Variants in PCDHGA3 observed in about 807,000 individuals in gnomAD.
PCDHGA3 encodes the protein protocadherin gamma-A3.
PCDHGA3 carries 40 observed loss-of-function variants against 58.5 expected under a neutral mutation model. The observed-to-expected ratio is 0.68, with a 90% CI of 0.53 to 0.89. The LOEUF (loss-of-function observed/expected upper bound fraction) is 0.89, where lower values mean the gene tolerates loss of function less well. Among genes scored for constraint, PCDHGA3 ranks in the 40% least tolerant of loss-of-function variants. The pLI, the probability that PCDHGA3 is intolerant of heterozygous loss-of-function variation, is 0.00. For synonymous variants in PCDHGA3, 530 were observed against 525.7 expected, an observed-to-expected ratio of 1.01 and a Z score of -0.11; for missense variants, 1,223 against 1,195.9, an observed-to-expected ratio of 1.02 and a Z score of -0.33.
chr5:141,375,647 T>C (rs1265306389), intron 1 of PCDHGA3: 2 of 1,614,038 alleles, frequency 1.2e-6, no homozygotes. Flanking sequence ...CTCCTTCGAC[T>C]ATGAGCAGTT....
chr5:141,441,362 G>A (rs1489202253), intron 1 of PCDHGA3: 1 of 152,484 alleles, frequency 6.6e-6, no homozygotes, highest in Non-Finnish European at 1.5e-5. Context: ...AACAAATGGG[G>A]CCGTGGACCA....
intron 1 of PCDHGA3, among the ~76,000 whole-genome samples, chr5:141,358,688 C>G (rs944997281): frequency 6.6e-6 from 1 of 152,144 alleles, no homozygotes. Context: ...CTTATCATGA[C>G]ATCACTATTG....
chr5:141,418,270 A>T, intron 1 of PCDHGA3: 1 of 1,614,052 alleles, frequency 6.2e-7, no homozygotes. Context: ...GGAAAGATGA[A>T]ATAAACTTAG....
At chr5:141,372,259 G>T (rs1229622208) in intron 1 of PCDHGA3, 2 of 1,613,108 alleles carry the variant, frequency 1.2e-6, no homozygotes, top group East Asian at 2.2e-5. Flanking sequence ...CTGGGCCTGC[G>T]CACGGGTGAG....
intron 1 of PCDHGA3, chr5:141,419,095 G>A (rs1478382101): frequency 1.2e-6 from 2 of 1,613,816 alleles, no homozygotes; most frequent in African/African-American, 2.7e-5. Context: ...CCCTGGATCG[G>A]GAGCAGACCC....
chr5:141,477,571 C>T lies in PCDHGA3; in HGVS notation c.2425-17236C>T, dbSNP rs1470454976. The T allele has an allele frequency of 8.1e-6, 13 of 1,614,160 alleles. No individual in the cohort carries two copies. Among genetic ancestry groups the T allele is most frequent in the Middle Eastern group, 1.7e-4 (1 of 6,060 alleles). ...TAAACCTAAGTGTCTGGGACCCCGACGCCCCGCAGAATGCTCGGCTTTCTT... is the reference window on the plus strand; with the variant it reads ...TAAACCTAAGTGTCTGGGACCCCGATGCCCCGCAGAATGCTCGGCTTTCTT... On this transcript the variant is annotated intron_variant, in intron 1 of 3. Transcript: ENST00000253812. This position sits in a 1 kb window ranked among gnomAD's most constrained non-coding sequence, Gnocchi z 4.9.
rs1041367498 is a variant in PCDHGA3 at position 141,489,060 on chromosome 5, T to G, written c.2425-5747T>G. ...CAGCTCCACTCAAATTCAGCTCCCCTCCCCCCTGCCCACCCCCGCCACTCG... is the reference window on the plus strand; with the variant it reads ...CAGCTCCACTCAAATTCAGCTCCCCGCCCCCCTGCCCACCCCCGCCACTCG... On this transcript the variant is annotated intron_variant, in intron 1 of 3. Transcript: ENST00000253812. This position sits in a 1 kb window ranked among gnomAD's most constrained non-coding sequence, Gnocchi z 4.5. The G allele has an allele frequency of 1.7e-5, 5 of 300,224 alleles. No individual in the cohort carries two copies. The highest frequency in any genetic ancestry group is 2.4e-5 in the African/African-American group (1 of 42,484). The allele number at this position is 300,224 out of a possible 1,614,324, so 18.6% of individuals were successfully genotyped here.
chr5:141,389,355 G>A, intron 1 of PCDHGA3: 3 of 1,613,950 alleles, frequency 1.9e-6, no homozygotes, highest in Non-Finnish European at 1.7e-6. Flanking sequence ...CTGCATCATG[G>A]CCAGTGACCT....
At chr5:141,404,287 C>A in intron 1 of PCDHGA3, 1 of 1,613,976 alleles carries the variant, frequency 6.2e-7, no homozygotes, top group Non-Finnish European at 8.5e-7. Flanking sequence ...TGACTGACAT[C>A]AATGATAATC....
chr5:141,419,216 G>C, intron 1 of PCDHGA3: 3 of 1,613,886 alleles, frequency 1.9e-6, no homozygotes, highest in Admixed American at 1.7e-5. Flanking sequence ...GCCGGTTTTC[G>C]GACAGTCAGC....
At position 141,490,171 on chromosome 5, in the gene PCDHGA3, G is replaced by A. The variant is rs374421995; in HGVS notation, c.2425-4636G>A. 4 of 1,614,100 alleles carry A rather than the reference G, an allele frequency of 2.5e-6. No individual in the cohort carries two copies. The highest frequency in any genetic ancestry group is 3.4e-6 in the Non-Finnish European group (4 of 1,180,034). On this transcript the variant is annotated intron_variant, in intron 1 of 3. Coordinates refer to ENST00000253812, the MANE Select transcript of PCDHGA3 (RefSeq NM_018916.4). The surrounding 1 kb of genome is among the most constrained non-coding windows in gnomAD (Gnocchi z 5.4). ...CCATGTGTTGGGTCCCATAGACTTT[G>A]AGGAGTCACGTTTCTATGAAATTCA...
In PCDHGA3 at chr5:141,505,090, A is replaced by C. The variant is rs1018571873; in HGVS notation, c.2484-303A>C. Among the ~76,000 whole-genome samples the C allele has an allele frequency of 3.9e-5, 6 of 152,188 alleles. 1 individual carries two copies. The South Asian group carries it at 1.2e-3, about 31-fold the overall frequency. ...GGCAGGAGAATCGCTTGAACCCAGG[A>C]GGTGGATGTTGCAATGAGCCAAGAT... On this transcript the variant is annotated intron_variant, in intron 2 of 3. Transcript: ENST00000253812.
At chr5:141,448,862 G>A (rs1406203589) in intron 1 of PCDHGA3, among the ~76,000 whole-genome samples, 2 of 151,996 alleles carry the variant, frequency 1.3e-5, no homozygotes, top group African/African-American at 2.4e-5. Context: ...GGAGAATGGC[G>A]TGAACCTGGG....
intron 1 of PCDHGA3, among the ~76,000 whole-genome samples, chr5:141,481,556 G>T (rs553126587): frequency 6.6e-6 from 1 of 152,148 alleles, no homozygotes; most frequent in African/African-American, 2.4e-5. Flanking sequence ...AGTGGCTCAC[G>T]CCTGTAATCC....
At chr5:141,480,085 A>G (rs2099512286) in intron 1 of PCDHGA3, among the ~76,000 whole-genome samples, 1 of 152,216 alleles carries the variant, frequency 6.6e-6, no homozygotes, top group Admixed American at 6.5e-5. Context: ...TGCATGATAT[A>G]ATGTATGCAA....
intron 1 of PCDHGA3, chr5:141,393,902 G>C: frequency 6.2e-7 from 1 of 1,613,968 alleles, no homozygotes; most frequent in Non-Finnish European, 8.5e-7. Flanking sequence ...CTCTTCCCGG[G>C]ACAGTAATTG....
At chr5:141,433,060 C>T in intron 1 of PCDHGA3, 1 of 1,614,198 alleles carries the variant, frequency 6.2e-7, no homozygotes, top group Non-Finnish European at 8.5e-7. Flanking sequence ...GGAAGAGTCA[C>T]CTGATCTTCC....
At chr5:141,414,312 C>T in intron 1 of PCDHGA3, 1 of 1,613,724 alleles carries the variant, frequency 6.2e-7, no homozygotes, top group South Asian at 1.1e-5. Context: ...ATGATTTAGA[C>T]TCTGAGCAGA....
chr5:141,399,283 G>A, intron 1 of PCDHGA3: 2 of 1,613,888 alleles, frequency 1.2e-6, no homozygotes, highest in Non-Finnish European at 1.7e-6. Flanking sequence ...ACAAGGCGAA[G>A]TCCCTTTTAA....
Sources: gnomAD v4.1 joint callset for allele counts (sites outside exome capture counted in the v4.1 genomes callset) on GRCh38, gnomAD v4.1.1 for gene constraint, Gnocchi (gnomAD v3.1) non-coding constraint, MANE v1.5 for transcripts, NCBI Gene and HGNC (gene_info 2026-07-23, HGNC 2026-07-21) for gene names.